The following MEP1B variants were observed in gnomAD, a reference collection of about 807,000 sequenced individuals.
MEP1B encodes the protein N-benzoyl-L-tyrosyl-P-amino-benzoic acid hydrolase subunit beta.
A neutral mutation model predicts 84.6 loss-of-function variants in MEP1B; 80 were observed. The ratio of observed to expected loss-of-function variants is 0.95; its 90% CI spans 0.79 to 1.14. The LOEUF (loss-of-function observed/expected upper bound fraction) is 1.14. Ranked by LOEUF, MEP1B falls within the 50% of genes most tolerant of loss-of-function variation. MEP1B has a pLI of 0.00. For synonymous variants in MEP1B, 273 were observed against 288.1 expected (o/e 0.95, Z 0.53); for missense variants, 766 against 855.1 (o/e 0.90, Z 1.30).
intron 4 of MEP1B, among the ~76,000 whole-genome samples, chr18:32,193,097 GC>G (rs1401719081): frequency 6.6e-6 from 1 of 152,064 alleles, no homozygotes; most frequent in Admixed American, 6.6e-5. Context: ...CATTATTGGA[GC>G]AATATGACAT....
At chr18:32,213,714 T>G (rs1483639911) in intron 11 of MEP1B, among the ~76,000 whole-genome samples, 155 bp downstream of exon 11, 1 of 152,198 alleles carries the variant, frequency 6.6e-6, no homozygotes, top group Non-Finnish European at 1.5e-5. Flanking sequence ...TCAAGAATTG[T>G]GGACTGAGTC....
chr18:32,210,606 A>G lies in MEP1B; in HGVS notation c.1025A>G (p.Gln342Arg), dbSNP rs973665217. ...LYPKRGFQCL[Q>R]FYLYNSGSES... ...CCTAAAAGAGGATTTCAGTGCCTGC[A>G]ATTTTACTTATATAACAGTGGCAGT... The change falls in exon 10 of 15, where the codon CAA (glutamine) becomes CGA (arginine). Residue 342 changes from glutamine to arginine, a missense_variant. Physicochemically the swap from Gln to Arg is conservative, Grantham distance 43 (BLOSUM62 1). Coordinates refer to ENST00000269202, the MANE Select transcript of MEP1B (RefSeq NM_005925.3). The G allele has an allele frequency of 1.9e-6, 3 of 1,613,552 alleles. No homozygotes were observed. Among genetic ancestry groups the G allele is most frequent in the Non-Finnish European group, 2.5e-6 (3 of 1,179,866 alleles).
chr18:32,208,716 T>C (rs532526966), intron 9 of MEP1B, among the ~76,000 whole-genome samples: 3 of 152,384 alleles, frequency 2.0e-5, no homozygotes, highest in African/African-American at 7.2e-5. Flanking sequence ...AGAGTTTATT[T>C]AATTTTCTTC....
intron 4 of MEP1B, among the ~76,000 whole-genome samples, chr18:32,194,160 CA>C (rs1488571885): frequency 1.4e-4 from 22 of 151,910 alleles, no homozygotes; most frequent in African/African-American, 5.3e-4. Context: ...TCCAGCCCGT[CA>C]GCAAGTTCTA....
intron 4 of MEP1B, among the ~76,000 whole-genome samples, chr18:32,193,447 T>C (rs1408055769): frequency 1.3e-5 from 2 of 152,160 alleles, no homozygotes; most frequent in East Asian, 3.8e-4. Context: ...AGACAAGATA[T>C]AGTTTATTGC....
intron 13 of MEP1B, among the ~76,000 whole-genome samples, 192 bp from the exon 14 acceptor site, chr18:32,217,569 T>C (rs1041282621): frequency 2.6e-5 from 4 of 152,180 alleles, no homozygotes; most frequent in Non-Finnish European, 5.9e-5. Flanking sequence ...AGGAATTCCA[T>C]TTTTTCTTTC....
At chr18:32,218,359 A>G (rs915319876) in intron 14 of MEP1B, among the ~76,000 whole-genome samples, 2 of 152,132 alleles carry the variant, frequency 1.3e-5, no homozygotes, top group Admixed American at 1.3e-4. Flanking sequence ...AGCTGAGGCC[A>G]TAGGAAGGGG....
intron 5 of MEP1B, among the ~76,000 whole-genome samples, chr18:32,201,907 T>C (rs1230660315): frequency 6.6e-6 from 1 of 152,210 alleles, no homozygotes; most frequent in Non-Finnish European, 1.5e-5. Context: ...CAATGGTTAC[T>C]CTAGAAGGGA....
chr18:32,196,095 C>G lies in MEP1B; in HGVS notation c.250+610C>G. ...GGGAACCCAGGTCCTCTGGTGCCCCCGCTGGCTCGGGCTCGGTGGCCTTGG... is the reference window on the plus strand; with the variant it reads ...GGGAACCCAGGTCCTCTGGTGCCCCGGCTGGCTCGGGCTCGGTGGCCTTGG... On this transcript the variant is annotated intron_variant, in intron 5 of 14. Transcript: ENST00000269202. The surrounding 1 kb of genome is among the most constrained non-coding windows in gnomAD (Gnocchi z 4.4). 2.1e-6 allele frequency: 1 copy of G among 474,812 alleles called. No homozygotes were observed. The highest frequency in any genetic ancestry group is 3.9e-6 in the Non-Finnish European group (1 of 257,124). 29.4% of individuals were successfully genotyped at this position (474,812 alleles called of 1,614,324 possible).
At chr18:32,199,278 T>C (rs1262548653) in intron 5 of MEP1B, among the ~76,000 whole-genome samples, 1 of 152,254 alleles carries the variant, frequency 6.6e-6, no homozygotes, top group East Asian at 1.9e-4. Context: ...GTGCCTTGCA[T>C]AGAGCAGGTG....
At chr18:32,202,850 G>A in intron 5 of MEP1B, 43 bp from the exon 6 acceptor site, 1 of 1,284,738 alleles carries the variant, frequency 7.8e-7, no homozygotes, top group Non-Finnish European at 1.1e-6. Context: ...TTTCAGTGGT[G>A]ATTGTTTTAA....
rs899872674 is a variant in MEP1B, at chr18:32,208,170, G to A, written c.818G>A (p.Cys273Tyr). 2 of 1,613,844 alleles carry A rather than the reference G, an allele frequency of 1.2e-6. No homozygotes were observed. Among genetic ancestry groups the A allele is most frequent in the East Asian group, 2.2e-5 (1 of 44,894 alleles). ...TGCAGTTTTGAACTGGAAAATGTGTGTGGCATGATCCAAAGTTCAGGAGAT... is the reference window on the plus strand; with the variant it reads ...TGCAGTTTTGAACTGGAAAATGTGTATGGCATGATCCAAAGTTCAGGAGAT... Reference protein sequence around the residue: ...DSCSFELENVCGMIQSSGDNA... With the variant: ...DSCSFELENVYGMIQSSGDNA... The change falls in exon 9 of 15, where the codon TGT becomes TAT. Residue 273 changes from cysteine (C) to tyrosine (Y), a missense_variant. Physicochemically the swap from Cys to Tyr is radical, Grantham distance 194. Transcript: ENST00000269202.
intron 7 of MEP1B, among the ~76,000 whole-genome samples, chr18:32,206,142 C>T (rs893189193): frequency 3.9e-5 from 6 of 151,946 alleles, no homozygotes; most frequent in Admixed American, 1.3e-4. Context: ...CCACCACACC[C>T]GGCTAATTTT....
At chr18:32,200,869 A>G (rs1037583009) in intron 5 of MEP1B, among the ~76,000 whole-genome samples, 2 of 152,136 alleles carry the variant, frequency 1.3e-5, no homozygotes, top group Non-Finnish European at 2.9e-5. Flanking sequence ...GGTGCTAGAA[A>G]CCTGAAGGGG....
chr18:32,217,795 G>A lies in MEP1B; in HGVS notation c.1921G>A (p.Glu641Lys). Residue 641 changes from glutamate to lysine, a missense_variant, in exon 14 of 15, where the codon GAA becomes AAA. Physicochemically the swap from Glu to Lys is moderately conservative, Grantham distance 56. Transcript: ENST00000269202. ...AGGGGAAGACTGGTGGTACATGGGA[G>A]AAAGGTGTGAAAAGAGAGGCTCCAC... ...QSGEDWWYMG[E>K]RCEKRGSTRD... is the part of the protein sequence containing the mutation. 6.2e-7 allele frequency: 1 copy of A among 1,613,890 alleles called. No homozygotes were observed. The highest frequency in any genetic ancestry group is 8.5e-7 in the Non-Finnish European group (1 of 1,179,880).
intron 6 of MEP1B, 80 bp from the exon 7 acceptor site, chr18:32,204,101 TG>T: frequency 8.4e-7 from 1 of 1,190,304 alleles, no homozygotes; most frequent in Non-Finnish European, 1.2e-6. Flanking sequence ...GGTAATGAAG[TG>T]GACTAGGCAG....
At chr18:32,214,349 A>G (rs2041061335) in intron 11 of MEP1B, among the ~76,000 whole-genome samples, 1 of 152,202 alleles carries the variant, frequency 6.6e-6, no homozygotes, top group African/African-American at 2.4e-5. Context: ...AAATGGAATT[A>G]TGGCAAGCTG....
chr18:32,215,185 C>T lies in MEP1B; in HGVS notation c.1683C>T (p.Ala561=), dbSNP rs2041069988. The change falls in exon 12 of 15, where the codon GCC becomes GCT. Residue 561 remains alanine, a synonymous_variant. Coordinates refer to ENST00000269202, the MANE Select transcript of MEP1B (RefSeq NM_005925.3). ...FRRGGGYGTS[A]FITHERLKSR... ...GAGGTGGGGGCTATGGAACCAGTGC[C>T]TTTATAACCCACGAAAGGCTGAAAA... The T allele has an allele frequency of 6.2e-7, 1 of 1,612,172 alleles. No homozygotes were observed.
chr18:32,207,610 A>G (rs1279657691), intron 8 of MEP1B, 140 bp downstream of exon 8: 1 of 640,858 alleles, frequency 1.6e-6, no homozygotes, highest in African/African-American at 1.8e-5. Context: ...ACAGAATAGC[A>G]CTCAGATCTC....
Sources: gnomAD v4.1 joint callset for allele counts (sites outside exome capture counted in the v4.1 genomes callset) on GRCh38, gnomAD v4.1.1 for gene constraint, Gnocchi (gnomAD v3.1) non-coding constraint, MANE v1.5 for transcripts, NCBI Gene and HGNC (gene_info 2026-07-23, HGNC 2026-07-21) for gene names.